Variants in ZPBP observed in about 807,000 individuals in gnomAD.
The protein encoded by ZPBP is zona pellucida binding protein.
ZPBP carries 26 observed loss-of-function variants against 44.8 expected under a neutral mutation model. That is an observed-to-expected ratio of 0.58 (90% CI 0.43 to 0.81). ZPBP has a LOEUF of 0.81. Among genes scored for constraint, ZPBP ranks in the 30% least tolerant of loss-of-function variants. ZPBP has a pLI of 0.00. For synonymous variants in ZPBP, 174 were observed against 153.2 expected (o/e 1.14, Z -1.00); for missense variants, 409 against 434.0 (o/e 0.94, Z 0.51).
chr7:49,970,466 C>CTTTTTTTTTTTTTTTTTTTTTTTT (rs771955717), intron 7 of ZPBP, among the ~76,000 whole-genome samples: 2 of 85,200 alleles, frequency 2.3e-5, no homozygotes, highest in African/African-American at 4.8e-5. Flanking sequence ...GCTGAATATA[C>CTTTTTTTTTTTTTTTTTTTTTTTT]TTTTTTTTTT....
chr7:49,950,354 ATAT>A lies in ZPBP; in HGVS notation c.962-12735_962-12733del, dbSNP rs369673844. ...CCAGCTGTATGCTGTTAACACAAAA[ATAT>A]AAGTTTAAGACAAATTAATATATAC... On this transcript the variant is annotated intron_variant, in intron 7 of 7. Transcript: ENST00000046087. Among the ~76,000 whole-genome samples the A allele has an allele frequency of 2.4e-4, 37 of 151,992 alleles. No individual in the cohort carries two copies. In the East Asian group the frequency reaches 3.3e-3, roughly 13 times the overall value.
the ZPBP span, among the ~76,000 whole-genome samples, chr7:49,844,603 A>T: frequency 6.6e-6 from 1 of 152,346 alleles, no homozygotes. Flanking sequence ...AGATTGTGAG[A>T]GCCCTGGTCT....
chr7:50,026,389 A>T (rs944423352), intron 5 of ZPBP, among the ~76,000 whole-genome samples: 18 of 151,890 alleles, frequency 1.2e-4, no homozygotes, highest in Admixed American at 7.9e-4. Flanking sequence ...AAGGCAGAAG[A>T]TCAATAAGCA....
intron 6 of ZPBP, among the ~76,000 whole-genome samples, chr7:49,996,066 A>G (rs1345737210): frequency 6.6e-6 from 1 of 152,206 alleles, no homozygotes; most frequent in Non-Finnish European, 1.5e-5. Context: ...GATATTGTAA[A>G]TGTCCTGACT....
intron 2 of ZPBP, among the ~76,000 whole-genome samples, chr7:49,893,710 G>A (rs544144729): frequency 1.3e-5 from 2 of 151,366 alleles, no homozygotes; most frequent in African/African-American, 2.4e-5. Flanking sequence ...AAGGGAAATC[G>A]AAATACAATA....
intron 2 of ZPBP, among the ~76,000 whole-genome samples, chr7:49,871,908 AAC>A (rs72332840): frequency 0.11 from 9,265 of 87,662 alleles, 740 homozygotes; most frequent in East Asian, 0.41. Context: ...TGTGTATATA[AAC>A]ACACACACAC....
At chr7:49,944,189 G>T in intron 7 of ZPBP, 1 of 336,934 alleles carries the variant, frequency 3.0e-6, no homozygotes, top group Non-Finnish European at 5.7e-6. Flanking sequence ...AATCACATGT[G>T]CATTTTCAAA....
At chr7:49,926,598 C>A (rs1409506071) in intron 1 of ZPBP, among the ~76,000 whole-genome samples, 1 of 152,180 alleles carries the variant, frequency 6.6e-6, no homozygotes, top group African/African-American at 2.4e-5. Flanking sequence ...ACGGGGTGGG[C>A]AGTGAATGAA....
intron 3 of ZPBP, among the ~76,000 whole-genome samples, chr7:50,061,546 C>G (rs1470161857): frequency 1.3e-5 from 2 of 152,012 alleles, no homozygotes; most frequent in Non-Finnish European, 2.9e-5. Context: ...ACTAAAAATA[C>G]AAAAATTAGC....
intron 2 of ZPBP, among the ~76,000 whole-genome samples, chr7:49,868,008 A>AT: frequency 6.6e-6 from 1 of 151,986 alleles, no homozygotes; most frequent in African/African-American, 2.4e-5. Flanking sequence ...TAATTTTTGT[A>AT]TTTTTAGTAG....
intron 4 of ZPBP, among the ~76,000 whole-genome samples, chr7:50,047,537 T>C (rs1800437569): frequency 6.6e-6 from 1 of 152,000 alleles, no homozygotes; most frequent in Admixed American, 6.6e-5. Context: ...AGCAGGAACT[T>C]GGCCTCTGTG....
intron 2 of ZPBP, among the ~76,000 whole-genome samples, chr7:49,874,158 G>T (rs932030286): frequency 1.3e-5 from 2 of 151,902 alleles, no homozygotes; most frequent in African/African-American, 4.9e-5. Flanking sequence ...TTGAAAAAGT[G>T]AAACTATATA....
Position 49,980,318 on chromosome 7 carries a change from T to C in ZPBP, c.961+3024A>G, listed in dbSNP as rs1796783647. ...ATATAATATATATAATATAAATATA[T>C]AATATATAACATATATTATATAATA... On this transcript the variant is annotated intron_variant, in intron 7 of 7. Transcript: ENST00000046087. 1.5e-5 allele frequency among the ~76,000 whole-genome samples: 2 copies of C among 133,984 alleles called. 1 individual carries two copies. Among genetic ancestry groups the C allele is most frequent in the African/African-American group, 5.6e-5 (2 of 35,956 alleles). The allele number at this position is 133,984 out of a possible 152,430, so 87.9% of individuals were successfully genotyped here. A position where few individuals can be genotyped will look rare whatever the true frequency, so the allele number is the denominator to read the frequency against.
intron 4 of ZPBP, among the ~76,000 whole-genome samples, chr7:50,052,366 A>T (rs1278968192): frequency 6.6e-6 from 1 of 152,178 alleles, no homozygotes; most frequent in Admixed American, 6.5e-5. Context: ...ACATCATTAG[A>T]AATTATAGAA....
chr7:50,092,073 A>G (rs1803021952), intron 1 of ZPBP, among the ~76,000 whole-genome samples: 1 of 152,204 alleles, frequency 6.6e-6, no homozygotes, highest in African/African-American at 2.4e-5. Flanking sequence ...ATCACTTACA[A>G]GATACTAACT....
At chr7:50,089,010 C>A (rs559911154) in intron 2 of ZPBP, among the ~76,000 whole-genome samples, 1 of 152,086 alleles carries the variant, frequency 6.6e-6, no homozygotes, top group South Asian at 2.1e-4. Context: ...GTGTATGACT[C>A]CATTTATATG....
intron 1 of ZPBP, among the ~76,000 whole-genome samples, chr7:49,908,225 G>C (rs1011854923): frequency 1.3e-5 from 2 of 152,156 alleles, no homozygotes; most frequent in Non-Finnish European, 2.9e-5. Context: ...CTGGTCAGCT[G>C]TGCCTGAATT....
intron 7 of ZPBP, among the ~76,000 whole-genome samples, chr7:49,979,315 C>T (rs1209125730): frequency 2.6e-5 from 4 of 151,908 alleles, no homozygotes; most frequent in Non-Finnish European, 5.9e-5. Context: ...GTCTCTTGTT[C>T]CCTAATTGTT....
intron 3 of ZPBP, among the ~76,000 whole-genome samples, chr7:50,071,710 T>C (rs1801848113): frequency 6.6e-6 from 1 of 151,960 alleles, no homozygotes; most frequent in Non-Finnish European, 1.5e-5. Flanking sequence ...CTGGTCAGAG[T>C]TGTGATGTCC....
Sources: allele counts gnomAD v4.1 joint callset (sites outside exome capture counted in the v4.1 genomes callset), GRCh38; gene constraint gnomAD v4.1.1; transcripts MANE v1.5; gene names NCBI Gene and HGNC (gene_info 2026-07-23, HGNC 2026-07-21).